Variants in FSD1L observed in about 807,000 individuals in gnomAD.
FSD1L encodes fibronectin type III and SPRY domain containing 1 like.
Under a neutral mutation model 71.6 loss-of-function variants are expected in FSD1L, and 45 were observed. The ratio of observed to expected loss-of-function variants is 0.63; its 90% CI spans 0.49 to 0.81. FSD1L has a LOEUF of 0.81. Ranked by LOEUF, FSD1L falls within the 30% of genes least tolerant of loss-of-function variation. FSD1L has a pLI of 0.00. For missense variants in FSD1L, 561 were observed against 618.1 expected (o/e 0.91, Z 0.98); for synonymous variants, 197 against 207.2 (o/e 0.95, Z 0.42).
intron 7 of FSD1L, among the ~76,000 whole-genome samples, chr9:105,493,162 T>C (rs1408171516): frequency 6.6e-6 from 1 of 152,142 alleles, no homozygotes; most frequent in Non-Finnish European, 1.5e-5. Flanking sequence ...ACTCAGGACT[T>C]GCTTTATGAA....
At chr9:105,498,764 T>G (rs1322614882) in intron 7 of FSD1L, among the ~76,000 whole-genome samples, 1 of 152,176 alleles carries the variant, frequency 6.6e-6, no homozygotes, top group Non-Finnish European at 1.5e-5. Flanking sequence ...GATTTATTCT[T>G]TGACTATGTG....
chr9:105,531,150 T>C (rs991090583), intron 10 of FSD1L, among the ~76,000 whole-genome samples: 2 of 152,188 alleles, frequency 1.3e-5, no homozygotes, highest in Non-Finnish European at 2.9e-5. Context: ...ATCCTGAAAT[T>C]CTTAATTTAA....
At chr9:105,524,027 T>A in intron 10 of FSD1L, 6 of 1,601,082 alleles carry the variant, frequency 3.7e-6, no homozygotes, top group Non-Finnish European at 5.1e-6. Flanking sequence ...ATCCCAACAT[T>A]CCTGATGTTG....
chr9:105,445,162 T>G (rs1215540659), upstream of FSD1L, among the ~76,000 whole-genome samples: 1 of 152,084 alleles, frequency 6.6e-6, no homozygotes, highest in Non-Finnish European at 1.5e-5. Flanking sequence ...GTGGCTGTGA[T>G]GGGAGAACTT....
chr9:105,493,709 C>G (rs908944321), intron 7 of FSD1L, among the ~76,000 whole-genome samples: 1 of 152,102 alleles, frequency 6.6e-6, no homozygotes, highest in African/African-American at 2.4e-5. Context: ...GTGACAAAAT[C>G]TCTCAGCATT....
At position 105,521,543 on chromosome 9, in the gene FSD1L, A is replaced by G. The variant is rs1318725490; in HGVS notation, c.1025+8607A>G. The G allele has an allele frequency of 1.9e-6, 3 of 1,613,664 alleles. No homozygotes were observed. The East Asian group carries it at 6.7e-5, about 36-fold the overall frequency. On this transcript the variant is annotated intron_variant, in intron 10 of 13. Transcript: ENST00000481272. Reference sequence around the variant, plus strand: ...CAATTTGTGAAGCAGCAGCTATGAGAAAAGTGGTAAAAGTATATCAAGAAT... The same window carrying G: ...CAATTTGTGAAGCAGCAGCTATGAGGAAAGTGGTAAAAGTATATCAAGAAT...
chr9:105,510,274 T>G (rs1834317254), intron 9 of FSD1L, among the ~76,000 whole-genome samples: 2 of 152,282 alleles, frequency 1.3e-5, no homozygotes, highest in Non-Finnish European at 2.9e-5. Flanking sequence ...GAAACTCAAC[T>G]CTGAGACCCA....
chr9:105,539,260 T>G lies in FSD1L; in HGVS notation c.1379-3T>G. The G allele has an allele frequency of 7.2e-7, 1 of 1,384,914 alleles. No homozygotes were observed. Among genetic ancestry groups the G allele is most frequent in the Non-Finnish European group, 9.8e-7 (1 of 1,022,662 alleles). 85.8% of individuals were successfully genotyped at this position (1,384,914 alleles called of 1,614,324 possible). A position where few individuals can be genotyped will look rare whatever the true frequency, so the allele number is the denominator to read the frequency against. ...AATTAGGCTTTTTTTCCTTCTTTTTTAGGTCAACTTTCATTCTATGATGCA... is the reference window on the plus strand; with the variant it reads ...AATTAGGCTTTTTTTCCTTCTTTTTGAGGTCAACTTTCATTCTATGATGCA... On this transcript the variant is annotated splice_polypyrimidine_tract_variant and splice_region_variant and intron_variant, in intron 12 of 13. Transcript: ENST00000481272.
At chr9:105,534,962 A>T in intron 11 of FSD1L, 105 bp from the exon 12 acceptor site, 1 of 1,042,638 alleles carries the variant, frequency 9.6e-7, no homozygotes, top group Non-Finnish European at 1.4e-6. Flanking sequence ...TAGGAAAAGT[A>T]CTTGAATAAA....
chr9:105,483,490 A>G (rs748474510), intron 6 of FSD1L, among the ~76,000 whole-genome samples: 4 of 152,150 alleles, frequency 2.6e-5, no homozygotes, highest in Non-Finnish European at 5.9e-5. Flanking sequence ...ACTTCTGATC[A>G]TTCTTGAACC....
chr9:105,518,930 AAGAG>A (rs1278070401), intron 10 of FSD1L, among the ~76,000 whole-genome samples: 1 of 152,184 alleles, frequency 6.6e-6, no homozygotes, highest in Non-Finnish European at 1.5e-5. Flanking sequence ...TAAAGAAAAA[AAGAG>A]AGAAGAATCA....
chr9:105,514,605 T>C (rs765240439), intron 10 of FSD1L, among the ~76,000 whole-genome samples: 4 of 152,208 alleles, frequency 2.6e-5, no homozygotes, highest in Non-Finnish European at 4.4e-5. Flanking sequence ...TGCCCAGAGC[T>C]GCCAGATGTT....
At chr9:105,488,909 A>G (rs112277688) in intron 7 of FSD1L, among the ~76,000 whole-genome samples, 287 of 151,460 alleles carry the variant, frequency 1.9e-3, no homozygotes, top group African/African-American at 6.6e-3. Flanking sequence ...TGATACTGCT[A>G]ACACAAACCG....
At position 105,549,031 on chromosome 9, in the gene FSD1L, T is replaced by C. The variant is rs1450789332; in HGVS notation, c.*2548T>C. 1 of 152,034 alleles carries C rather than the reference T, an allele frequency of 6.6e-6. No homozygotes were observed. Among genetic ancestry groups the C allele is most frequent in the Non-Finnish European group, 1.5e-5 (1 of 67,944 alleles). The allele number at this position is 152,034 out of a possible 1,614,324, so 9.4% of individuals were successfully genotyped here. A position where few individuals can be genotyped will look rare whatever the true frequency, so the allele number is the denominator to read the frequency against. Reference sequence around the variant, plus strand: ...ATACTATATAATATTCTCAATTACATTTGAATTTAAAAATATTGAGCTCTT... The same window carrying C: ...ATACTATATAATATTCTCAATTACACTTGAATTTAAAAATATTGAGCTCTT... On this transcript the variant is annotated 3_prime_UTR_variant, in exon 14 of 14. Transcript: ENST00000481272.
In FSD1L at chr9:105,480,535, G is replaced by T. The variant is rs548986639; in HGVS notation, c.464+1159G>T. On this transcript the variant is annotated intron_variant, in intron 6 of 13. Coordinates refer to ENST00000481272, the MANE Select transcript of FSD1L (RefSeq NM_001145313.3). Reference sequence around the variant, plus strand: ...TGGAATGCCTAAGCTCAAGCTATCCGCCCAACTTGGCCTCCCAAAGTGCTG... The same window carrying T: ...TGGAATGCCTAAGCTCAAGCTATCCTCCCAACTTGGCCTCCCAAAGTGCTG... Among the ~76,000 whole-genome samples, 18 of 152,254 alleles carry T rather than the reference G, an allele frequency of 1.2e-4. No individual in the cohort carries two copies. In the South Asian group the frequency reaches 2.1e-3, roughly 18 times the overall value.
chr9:105,506,805 A>G (rs796753093), intron 8 of FSD1L, among the ~76,000 whole-genome samples, 197 bp downstream of exon 8: 4 of 149,236 alleles, frequency 2.7e-5, no homozygotes, highest in South Asian at 4.2e-4. Context: ...ATCTTGTTCT[A>G]TTATCTCCCA....
At chr9:105,466,492 A>C (rs1029310560) in intron 3 of FSD1L, among the ~76,000 whole-genome samples, 1 of 152,194 alleles carries the variant, frequency 6.6e-6, no homozygotes, top group East Asian at 1.9e-4. Flanking sequence ...CAGGAGTTCA[A>C]GACCAGCCTG....
At chr9:105,504,952 C>T (rs1833963761) in intron 7 of FSD1L, among the ~76,000 whole-genome samples, 1 of 152,190 alleles carries the variant, frequency 6.6e-6, no homozygotes, top group South Asian at 2.1e-4. Flanking sequence ...CTACCTCCTC[C>T]ATATACAATT....
rs116266500 is a variant in FSD1L at position 105,536,972 on chromosome 9, G to A, written c.1378+1654G>A. Among the ~76,000 whole-genome samples, 1,402 of 152,218 alleles carry A rather than the reference G, an allele frequency of 9.2e-3. 22 individuals carry two copies. Among genetic ancestry groups the A allele is most frequent in the African/African-American group, 0.032 (1,343 of 41,540 alleles). On this transcript the variant is annotated intron_variant, in intron 12 of 13. Transcript: ENST00000481272. Reference sequence around the variant, plus strand: ...TTTTAAAAATAACTCAATGTTATATGTAATGCAAATGAAGACTATTACATT... The same window carrying A: ...TTTTAAAAATAACTCAATGTTATATATAATGCAAATGAAGACTATTACATT...
Sources: gnomAD v4.1 joint callset for allele counts (sites outside exome capture counted in the v4.1 genomes callset) on GRCh38, gnomAD v4.1.1 for gene constraint, MANE v1.5 for transcripts, NCBI Gene and HGNC (gene_info 2026-07-23, HGNC 2026-07-21) for gene names.